The following VEGFC variants were observed in gnomAD, a reference collection of about 807,000 sequenced individuals.
VEGFC encodes the protein FLT4 ligand DHM.
Under a neutral mutation model 46.1 loss-of-function variants are expected in VEGFC, and 12 were observed. The ratio of observed to expected loss-of-function variants is 0.26; its 90% CI spans 0.17 to 0.42. VEGFC has a LOEUF of 0.42. Ranked by LOEUF, VEGFC falls within the 10% of genes least tolerant of loss-of-function variation. VEGFC has a pLI of 1.00. For synonymous variants in VEGFC, 232 were observed against 195.5 expected (o/e 1.19, Z -1.56); for missense variants, 488 against 529.4 (o/e 0.92, Z 0.77).
intron 1 of VEGFC, among the ~76,000 whole-genome samples, chr4:176,758,083 T>G (rs987286183): frequency 6.6e-6 from 1 of 152,128 alleles, no homozygotes; most frequent in African/African-American, 2.4e-5. Flanking sequence ...TCTTTATTAC[T>G]TGGTTATGTG....
chr4:176,695,372 A>G (rs1432686339), intron 4 of VEGFC, among the ~76,000 whole-genome samples: 1 of 151,884 alleles, frequency 6.6e-6, no homozygotes, highest in Non-Finnish European at 1.5e-5. Context: ...TAAACTAGAA[A>G]ATCTAGAAGA....
intron 1 of VEGFC, among the ~76,000 whole-genome samples, chr4:176,736,664 T>C (rs1213591479): frequency 2.7e-5 from 4 of 150,682 alleles, no homozygotes; most frequent in South Asian, 2.1e-4. Flanking sequence ...TAAAAGACTC[T>C]TTCTTGGTTG....
At chr4:176,729,483 T>C (rs1206709356) in intron 2 of VEGFC, 50 bp downstream of exon 2, 5 of 1,510,090 alleles carry the variant, frequency 3.3e-6, no homozygotes, top group Middle Eastern at 1.9e-4. Context: ...TGGCAACTTC[T>C]ACTGGTTTGA....
intron 4 of VEGFC, chr4:176,689,638 C>T (rs886562298): frequency 2.6e-5 from 4 of 152,126 alleles, no homozygotes; most frequent in African/African-American, 9.7e-5. Context: ...TCTTGAGTTT[C>T]TTCAAGAGTC....
chr4:176,721,951 G>A (rs1308730690), intron 3 of VEGFC, among the ~76,000 whole-genome samples: 1 of 152,064 alleles, frequency 6.6e-6, no homozygotes, highest in African/African-American at 2.4e-5. Context: ...GAATTCTCAG[G>A]AGAAATACCA....
At chr4:176,716,431 G>C (rs952964640) in intron 3 of VEGFC, among the ~76,000 whole-genome samples, 3 of 151,600 alleles carry the variant, frequency 2.0e-5, no homozygotes, top group Non-Finnish European at 4.4e-5. Context: ...ACTAAAATTA[G>C]CTGGGTGGCG....
At chr4:176,734,108 T>C (rs1334491359) in intron 1 of VEGFC, among the ~76,000 whole-genome samples, 3 of 151,856 alleles carry the variant, frequency 2.0e-5, no homozygotes, top group Admixed American at 6.6e-5. Flanking sequence ...GTTTTGCTTC[T>C]AGTCACCAGC....
chr4:176,724,581 A>T (rs1215945680), intron 3 of VEGFC, among the ~76,000 whole-genome samples: 1 of 152,224 alleles, frequency 6.6e-6, no homozygotes, highest in African/African-American at 2.4e-5. Flanking sequence ...AGGCCTTGCC[A>T]AAGCCACTTG....
At chr4:176,780,111 G>A (rs1459639695) in intron 1 of VEGFC, among the ~76,000 whole-genome samples, 1 of 152,140 alleles carries the variant, frequency 6.6e-6, no homozygotes, top group African/African-American at 2.4e-5. Context: ...CAGGTGTGGT[G>A]GCTCACGCCT....
chr4:176,727,468 TC>T (rs1395534575), intron 3 of VEGFC, among the ~76,000 whole-genome samples: 1 of 152,202 alleles, frequency 6.6e-6, no homozygotes, highest in Non-Finnish European at 1.5e-5. Context: ...TTCTTGAAGA[TC>T]AACACACACA....
chr4:176,744,658 T>C (rs1490109153), intron 1 of VEGFC, among the ~76,000 whole-genome samples: 1 of 152,076 alleles, frequency 6.6e-6, no homozygotes, highest in Non-Finnish European at 1.5e-5. Context: ...ATAGTAACAA[T>C]TATTAGTATG....
chr4:176,718,368 A>C (rs1734728995), intron 3 of VEGFC, among the ~76,000 whole-genome samples: 1 of 152,168 alleles, frequency 6.6e-6, no homozygotes, highest in Admixed American at 6.5e-5. Flanking sequence ...CTCTGACTGC[A>C]GTGCAAAATA....
At position 176,740,056 on chromosome 4, in the gene VEGFC, A is replaced by C. The variant is rs541342156; in HGVS notation, c.148-10310T>G. On this transcript the variant is annotated intron_variant, in intron 1 of 6. Transcript: ENST00000618562. ...GAATATATATAACTATTCGATATAT[A>C]GAATATATATAACTATATATTATAT... is the stretch of plus-strand genomic sequence containing the variant. Among the ~76,000 whole-genome samples the C allele has an allele frequency of 9.1e-3, 1,045 of 114,500 alleles. 27 individuals carry two copies. The highest frequency in any genetic ancestry group is 0.061 in the Middle Eastern group (9 of 148). 75.1% of individuals were successfully genotyped at this position (114,500 alleles called of 152,430 possible).
intron 4 of VEGFC, among the ~76,000 whole-genome samples, chr4:176,711,048 A>T (rs2110998661): frequency 6.6e-6 from 1 of 152,278 alleles, no homozygotes; most frequent in East Asian, 1.9e-4. Context: ...ACACATATAT[A>T]TTTTTATGTT....
At chr4:176,761,360 T>A (rs187554999) in intron 1 of VEGFC, among the ~76,000 whole-genome samples, 1 of 152,326 alleles carries the variant, frequency 6.6e-6, no homozygotes, top group East Asian at 1.9e-4. Context: ...AACTGGTTCA[T>A]AACTATATGC....
intron 1 of VEGFC, among the ~76,000 whole-genome samples, chr4:176,768,127 A>T (rs1010042603): frequency 6.6e-6 from 1 of 152,148 alleles, no homozygotes; most frequent in Admixed American, 6.5e-5. Context: ...AAACGGAGAG[A>T]TAAAAATTTC....
chr4:176,716,597 A>AAG (rs1461239455), intron 3 of VEGFC, among the ~76,000 whole-genome samples: 5 of 150,820 alleles, frequency 3.3e-5, no homozygotes, highest in Non-Finnish European at 7.4e-5. Context: ...AAAAAAAAAA[A>AAG]AAAAAAAAAG....
At chr4:176,725,734 A>T (rs866303801) in intron 3 of VEGFC, among the ~76,000 whole-genome samples, 4 of 152,144 alleles carry the variant, frequency 2.6e-5, no homozygotes, top group Admixed American at 6.5e-5. Flanking sequence ...TCAATTCCTA[A>T]ATCATCCATA....
chr4:176,732,636 T>C (rs1734986715), intron 1 of VEGFC, among the ~76,000 whole-genome samples: 1 of 151,386 alleles, frequency 6.6e-6, no homozygotes. Flanking sequence ...AAGGCCTGAA[T>C]AAATAATGTA....
Sources: allele counts gnomAD v4.1 joint callset (sites outside exome capture counted in the v4.1 genomes callset), GRCh38; gene constraint gnomAD v4.1.1; transcripts MANE v1.5; gene names NCBI Gene and HGNC (gene_info 2026-07-23, HGNC 2026-07-21).